The following ANO7 variants were observed in gnomAD, a reference collection of about 807,000 sequenced individuals.
ANO7 encodes the protein anoctamin 7, also known as anoctamin-7.
ANO7 carries 114 observed loss-of-function variants against 115.8 expected under a neutral mutation model. The observed-to-expected ratio is 0.98, with a 90% CI of 0.85 to 1.15. The LOEUF is 1.15. Among genes scored for constraint, ANO7 ranks in the 50% most tolerant of loss-of-function variants. The pLI is 0.00. For synonymous variants in ANO7, 550 were observed against 498.2 expected (o/e 1.10, Z -1.38); for missense variants, 1,302 against 1,201.2 (o/e 1.08, Z -1.24).
chr2:241,231,115 T>C, the ANO7 span: 16 of 612,746 alleles, frequency 2.6e-5, no homozygotes, highest in Non-Finnish European at 4.3e-5. Context: ...CCGGGCACGG[T>C]GGCTCACGCC....
At chr2:241,211,185 GC>G (rs1441744341) in intron 15 of ANO7, among the ~76,000 whole-genome samples, 2 of 152,146 alleles carry the variant, frequency 1.3e-5, no homozygotes, top group Admixed American at 6.5e-5. Flanking sequence ...CCTCCACAGG[GC>G]CCCCCTCCAG....
chr2:241,240,298 G>A, the ANO7 span: 1 of 651,674 alleles, frequency 1.5e-6, no homozygotes, highest in Non-Finnish European at 2.8e-6. This position sits in a 1 kb window ranked among gnomAD's most constrained non-coding sequence, Gnocchi z 5.5. Flanking sequence ...ATAAACAGAT[G>A]AATACCCAGA....
At chr2:241,221,195 C>T (rs529094405) in intron 21 of ANO7, among the ~76,000 whole-genome samples, 92 of 150,870 alleles carry the variant, frequency 6.1e-4, no homozygotes, top group African/African-American at 2.2e-3. Flanking sequence ...CCTGCCTCAG[C>T]CTCACAAGTA....
At chr2:241,235,646 G>C in the ANO7 span, 3 of 1,314,686 alleles carry the variant, frequency 2.3e-6, no homozygotes, top group African/African-American at 4.4e-5. Context: ...GCAGAGTGAC[G>C]TTGTAAGCTC....
At chr2:241,200,247 T>A (rs2068437870) in intron 6 of ANO7, 22 bp downstream of exon 6, 9 of 1,608,586 alleles carry the variant, frequency 5.6e-6, no homozygotes, top group Non-Finnish European at 7.6e-6. Context: ...GCCCTGCCAG[T>A]CGGAGGAAAG....
the ANO7 span, chr2:241,235,046 C>T: frequency 1.9e-6 from 3 of 1,556,138 alleles, no homozygotes; most frequent in South Asian, 3.4e-5. Flanking sequence ...TCCTGAAGAA[C>T]TTCCCTAGAT....
chr2:241,229,295 C>T, downstream of ANO7: 2 of 316,696 alleles, frequency 6.3e-6, no homozygotes, highest in East Asian at 8.7e-5. Flanking sequence ...GCGGAGCTCT[C>T]GTGATGAAGG....
chr2:241,216,344 C>T (rs940899234), intron 19 of ANO7, 106 bp downstream of exon 19: 22 of 1,378,974 alleles, frequency 1.6e-5, no homozygotes, highest in Middle Eastern at 2.5e-4. Flanking sequence ...TCTGCATCTG[C>T]CCTGAAATGT....
At chr2:241,239,929 T>G in the ANO7 span, 1 of 1,614,166 alleles carries the variant, frequency 6.2e-7, no homozygotes, top group Non-Finnish European at 8.5e-7. The surrounding 1 kb of genome is among the most constrained non-coding windows in gnomAD (Gnocchi z 4.6). Context: ...CTCCAGCTCC[T>G]TCTGTGCCTC....
chr2:241,232,666 G>A, the ANO7 span, among the ~76,000 whole-genome samples: 3 of 152,036 alleles, frequency 2.0e-5, no homozygotes, highest in Non-Finnish European at 4.4e-5. Context: ...CTAAACTCTT[G>A]GGCTGGGAGC....
At position 241,210,392 on chromosome 2, in the gene ANO7, G is replaced by T; in HGVS notation, c.1457G>T (p.Trp486Leu). Residue 486 changes from tryptophan to leucine, a missense_variant and splice_region_variant, in exon 14 of 25, where the codon TGG (tryptophan) becomes TTG (leucine). Coordinates refer to ENST00000674324, the MANE Select transcript of ANO7 (RefSeq NM_001370694.2). ...SRSGNTLLAAWASRIASLTGS... is the reference protein window; with the variant it reads ...SRSGNTLLAALASRIASLTGS... ...TCGGGCAACACCCTTCTCGCAGCCT[G>T]GGTGAGCCTCTGCTGCCTGCCTCGG... 6.2e-7 allele frequency: 1 copy of T among 1,614,002 alleles called. No individual in the cohort carries two copies. Among genetic ancestry groups the T allele is most frequent in the Non-Finnish European group, 8.5e-7 (1 of 1,179,982 alleles).
downstream of ANO7, among the ~76,000 whole-genome samples, chr2:241,230,567 C>T (rs546396238): frequency 4.6e-5 from 7 of 152,350 alleles, no homozygotes; most frequent in African/African-American, 4.8e-5. This position sits in a 1 kb window ranked among gnomAD's most constrained non-coding sequence, Gnocchi z 5.0. Flanking sequence ...TAATGGCCAC[C>T]GTGGCAGTGC....
In ANO7 at chr2:241,217,734, C is replaced by A. The variant is rs1217303508; in HGVS notation, c.2021C>A (p.Ala674Glu). The A allele has an allele frequency of 3.1e-6, 5 of 1,602,762 alleles. No homozygotes were observed. Residue 674 changes from alanine to glutamate, a missense_variant, in exon 20 of 25, where the codon GCG (alanine) becomes GAG (glutamate). By Grantham distance (107) the Ala-to-Glu change is moderately radical. Coordinates refer to ENST00000674324, the MANE Select transcript of ANO7 (RefSeq NM_001370694.2). The part of the protein sequence containing the change: ...VTIFVAACPL[A>E]PLFALLNNWV... ...ATCTTCGTGGCCGCCTGTCCGCTCG[C>A]GCCGCTCTTCGCCCTGCTCAACAAC... is the stretch of plus-strand genomic sequence containing the variant.
intron 1 of ANO7, 72 bp from the exon 2 acceptor site, chr2:241,189,985 T>C: frequency 8.3e-7 from 1 of 1,203,268 alleles, no homozygotes; most frequent in Non-Finnish European, 1.2e-6. Context: ...GCAGGCAGTG[T>C]GGTGGCCCCA....
chr2:241,230,726 G>GA, downstream of ANO7: 1 of 1,593,938 alleles, frequency 6.3e-7, no homozygotes, highest in Non-Finnish European at 8.6e-7. This position sits in a 1 kb window ranked among gnomAD's most constrained non-coding sequence, Gnocchi z 5.0. Context: ...GGTGAGAGAG[G>GA]ATTCTCACCC....
chr2:241,220,903 G>A (rs1192618352), intron 21 of ANO7, among the ~76,000 whole-genome samples: 14 of 144,506 alleles, frequency 9.7e-5, no homozygotes, highest in African/African-American at 2.6e-4. Context: ...CTCGGGAGGC[G>A]GAGGTTGCAG....
intron 8 of ANO7, 104 bp downstream of exon 8, chr2:241,202,408 GCGTGGC>G: frequency 1.0e-6 from 1 of 985,904 alleles, no homozygotes; most frequent in Non-Finnish European, 1.5e-6. Context: ...TGGTCAGCCG[GCGTGGC>G]CACCCAGGAG....
At chr2:241,235,786 T>G in the ANO7 span, among the ~76,000 whole-genome samples, 1 of 152,248 alleles carries the variant, frequency 6.6e-6, no homozygotes, top group Non-Finnish European at 1.5e-5. Context: ...AGGCTAATGC[T>G]GGCAGACAGA....
In ANO7 at chr2:241,223,266, T is replaced by C. The variant is rs776607667; in HGVS notation, c.2402T>C (p.Ile801Thr). ...NLLAIRLAFV[I>T]VFEHVVFSVG... ...CTTGCCATCCGCCTGGCCTTCGTCA[T>C]TGTGTTTGAGGTAGCCGAGGCACCT... The change falls in exon 22 of 25, where the codon ATT becomes ACT. Residue 801 changes from isoleucine (I) to threonine (T), a missense_variant. By Grantham distance (89) the Ile-to-Thr change is moderately conservative. Transcript: ENST00000674324. 1 of 1,614,194 alleles carries C rather than the reference T, an allele frequency of 6.2e-7. No homozygotes were observed. Among genetic ancestry groups the C allele is most frequent in the Non-Finnish European group, 8.5e-7 (1 of 1,180,026 alleles).
Sources: allele counts gnomAD v4.1 joint callset (sites outside exome capture counted in the v4.1 genomes callset), GRCh38; gene constraint gnomAD v4.1.1; non-coding constraint Gnocchi (gnomAD v3.1); transcripts MANE v1.5; gene names NCBI Gene and HGNC (gene_info 2026-07-23, HGNC 2026-07-21).